The following SLC14A2 variants were observed in gnomAD, a reference collection of about 807,000 sequenced individuals.
SLC14A2 encodes solute carrier family 14 member 2, also known as urea transporter 2.
SLC14A2 carries 91 observed loss-of-function variants against 104.6 expected under a neutral mutation model. The observed-to-expected ratio is 0.87, with a 90% CI of 0.73 to 1.04. The LOEUF is 1.04. Among genes scored for constraint, SLC14A2 ranks in the 50% least tolerant of loss-of-function variants. The pLI, the probability that SLC14A2 is intolerant of heterozygous loss-of-function variation, is 0.00. For missense variants in SLC14A2, 1,189 were observed against 1,156.0 expected (o/e 1.03, Z -0.41); for synonymous variants, 476 against 466.4 (o/e 1.02, Z -0.27).
At chr18:45,602,270 A>G (rs2144415163) in intron 2 of SLC14A2, among the ~76,000 whole-genome samples, 1 of 152,332 alleles carries the variant, frequency 6.6e-6, no homozygotes, top group East Asian at 1.9e-4. Context: ...TGAAAATGTC[A>G]TCTCTCTTGG....
chr18:45,545,977 A>AT lies in SLC14A2; in HGVS notation c.-35+62661dup, dbSNP rs528860132. ...TAATAAATCTAACTATGAAGCATTT[A>AT]TTTTTTCCTAGAAATGCTATAAAAC... On this transcript the variant is annotated intron_variant, in intron 2 of 20. Coordinates refer to the SLC14A2 transcript ENST00000586448. 1.6e-3 allele frequency among the ~76,000 whole-genome samples: 244 copies of AT among 152,268 alleles called. 1 individual carries two copies. Among genetic ancestry groups the AT allele is most frequent in the African/African-American group, 5.7e-3 (238 of 41,542 alleles).
At chr18:45,328,436 AG>A (rs2085257528) in intron 1 of SLC14A2, among the ~76,000 whole-genome samples, 1 of 152,178 alleles carries the variant, frequency 6.6e-6, no homozygotes, top group African/African-American at 2.4e-5. Context: ...CAGCATTTTC[AG>A]GGTTTCAGTT....
At chr18:45,610,385 G>A (rs1417471206) in intron 2 of SLC14A2, among the ~76,000 whole-genome samples, 9 of 152,092 alleles carry the variant, frequency 5.9e-5, no homozygotes, top group Admixed American at 5.9e-4. Flanking sequence ...CATTACCTAG[G>A]GAGCTTTTAA....
intron 1 of SLC14A2, among the ~76,000 whole-genome samples, chr18:45,407,816 A>G (rs2086172864): frequency 6.6e-6 from 1 of 152,210 alleles, no homozygotes; most frequent in South Asian, 2.1e-4. Context: ...ACATTTATCA[A>G]TTAAGTTCAC....
chr18:45,505,581 A>C (rs746169923), intron 2 of SLC14A2, among the ~76,000 whole-genome samples: 2 of 152,140 alleles, frequency 1.3e-5, no homozygotes, highest in Non-Finnish European at 2.9e-5. Context: ...CCAATGTGCT[A>C]ATTGCAAGGT....
intron 1 of SLC14A2, among the ~76,000 whole-genome samples, chr18:45,440,655 T>C (rs2086668449): frequency 6.6e-6 from 1 of 152,192 alleles, no homozygotes; most frequent in South Asian, 2.1e-4. Context: ...CCTGGCACTA[T>C]CACTTACAAG....
chr18:45,264,819 G>A (rs971071192), intron 1 of SLC14A2, among the ~76,000 whole-genome samples: 7 of 152,222 alleles, frequency 4.6e-5, no homozygotes, highest in Admixed American at 4.6e-4. Context: ...ATTTGGATGA[G>A]TACACAGCCA....
At chr18:45,634,411 C>A (rs1161936773) in intron 5 of SLC14A2, among the ~76,000 whole-genome samples, 2 of 152,172 alleles carry the variant, frequency 1.3e-5, no homozygotes, top group African/African-American at 4.8e-5. Context: ...GTGATAAGTG[C>A]TTTGAGGAAA....
intron 1 of SLC14A2, among the ~76,000 whole-genome samples, chr18:45,225,988 C>G (rs1428632730): frequency 6.6e-6 from 1 of 152,132 alleles, no homozygotes; most frequent in Non-Finnish European, 1.5e-5. Flanking sequence ...AATGAAACAA[C>G]CCCATCAAAA....
At chr18:45,326,311 G>A (rs969222170) in intron 1 of SLC14A2, among the ~76,000 whole-genome samples, 2 of 152,024 alleles carry the variant, frequency 1.3e-5, no homozygotes, top group African/African-American at 4.8e-5. Context: ...AATTTGGCTA[G>A]GATCCTCATA....
intron 9 of SLC14A2, 120 bp from the exon 10 acceptor site, chr18:45,643,866 T>C: frequency 1.2e-6 from 1 of 838,166 alleles, no homozygotes; most frequent in Non-Finnish European, 1.9e-6. Context: ...GGAATATCAA[T>C]GCCTTCACTG....
At chr18:45,514,669 A>G (rs2043412387) in intron 2 of SLC14A2, among the ~76,000 whole-genome samples, 1 of 152,204 alleles carries the variant, frequency 6.6e-6, no homozygotes, top group South Asian at 2.1e-4. Flanking sequence ...ATTAAGAGGC[A>G]TACCTAGCAA....
intron 10 of SLC14A2, among the ~76,000 whole-genome samples, chr18:45,651,041 C>T (rs1846477224): frequency 6.6e-6 from 1 of 152,116 alleles, no homozygotes; most frequent in Non-Finnish European, 1.5e-5. Flanking sequence ...GATTTCAGTG[C>T]CTTGTCCCCT....
chr18:45,348,673 C>G (rs539027959), intron 1 of SLC14A2, among the ~76,000 whole-genome samples: 1 of 152,206 alleles, frequency 6.6e-6, no homozygotes, highest in Non-Finnish European at 1.5e-5. Context: ...TAATTCTGTA[C>G]GTGCCATATC....
intron 16 of SLC14A2, among the ~76,000 whole-genome samples, chr18:45,670,266 GT>G (rs1490854970): frequency 3.3e-5 from 5 of 152,024 alleles, no homozygotes; most frequent in Non-Finnish European, 5.9e-5. Flanking sequence ...AGCTTTTAAA[GT>G]TTTTTTTAAT....
At position 45,517,594 on chromosome 18, in the gene SLC14A2, T is replaced by A. The variant is rs141192978; in HGVS notation, c.-35+34272T>A. 3.4e-3 allele frequency among the ~76,000 whole-genome samples: 519 copies of A among 152,320 alleles called. 5 individuals are homozygous for A. The highest frequency in any genetic ancestry group is 0.011 in the African/African-American group (471 of 41,574). ...TCATGCTGCTATCCAGCTTGCCGAATTTGCTTCTTTTGACAGACTTTATCA... is the reference window on the plus strand; with the variant it reads ...TCATGCTGCTATCCAGCTTGCCGAAATTGCTTCTTTTGACAGACTTTATCA... On this transcript the variant is annotated intron_variant, in intron 2 of 20. Transcript: ENST00000586448.
In SLC14A2 at chr18:45,228,759, C is replaced by T. The variant is rs74675926; in HGVS notation, c.-125+15568C>T. Among the ~76,000 whole-genome samples the T allele has an allele frequency of 6.4e-3, 981 of 152,242 alleles. 11 individuals are homozygous for T. Among genetic ancestry groups the T allele is most frequent in the Middle Eastern group, 0.041 (12 of 294 alleles). ...TCATATCCTGATGTAAAATGCCGCT[C>T]GTCACCATTTTCCTTAAGAAAGCTA... On this transcript the variant is annotated intron_variant, in intron 1 of 20. Transcript: ENST00000586448.
In SLC14A2 at chr18:45,621,189, G is replaced by A. The variant is rs572320066; in HGVS notation, c.-34-3442G>A. On this transcript the variant is annotated intron_variant, in intron 1 of 19. Transcript: ENST00000255226. The stretch of plus-strand genomic sequence containing the variant: ...GGAGAGAGCGCATTGGAGAGGAACA[G>A]GTTCTGGGGCTTGTCGGATTTCACT... Among the ~76,000 whole-genome samples, 6 of 152,314 alleles carry A rather than the reference G, an allele frequency of 3.9e-5. No homozygotes were observed. The East Asian group carries it at 1.2e-3, about 29-fold the overall frequency.
intron 11 of SLC14A2, among the ~76,000 whole-genome samples, chr18:45,664,413 T>C (rs889002044): frequency 6.6e-6 from 1 of 152,112 alleles, no homozygotes; most frequent in African/African-American, 2.4e-5. Flanking sequence ...GCTGAACAAG[T>C]GGAGGCCAGA....
Sources: allele counts gnomAD v4.1 joint callset (sites outside exome capture counted in the v4.1 genomes callset), GRCh38; gene constraint gnomAD v4.1.1; transcripts MANE v1.5; gene names NCBI Gene and HGNC (gene_info 2026-07-23, HGNC 2026-07-21).